Variants in DEPDC5 observed in about 807,000 individuals in gnomAD.
DEPDC5 encodes the protein DEP domain containing 5, GATOR1 subcomplex subunit, also known as GATOR1 complex protein DEPDC5.
Under a neutral mutation model 217.3 loss-of-function variants are expected in DEPDC5, and 73 were observed. The ratio of observed to expected loss-of-function variants is 0.34; its 90% confidence interval spans 0.28 to 0.41. The LOEUF (loss-of-function observed/expected upper bound fraction) is 0.41, where lower values mean the gene tolerates loss of function less well. Ranked by LOEUF, DEPDC5 falls within the 10% of genes least tolerant of loss-of-function variation. The pLI, the probability that DEPDC5 is intolerant of heterozygous loss-of-function variation, is 1.00. For missense variants in DEPDC5, 1,675 were observed against 2,070.1 expected (o/e 0.81, Z 3.70); for synonymous variants, 733 against 756.7 (o/e 0.97, Z 0.51).
At chr22:31,881,291 CAAA>C (rs67347332) in intron 38 of DEPDC5, among the ~76,000 whole-genome samples, 6 of 107,182 alleles carry the variant, frequency 5.6e-5, no homozygotes, top group Non-Finnish European at 4.0e-5. Context: ...CTCCATCTCT[CAAA>C]AAAAAAAAAA....
In DEPDC5 at chr22:31,758,642, C is replaced by G. The variant is rs771997222; in HGVS notation, c.146+9C>G. 28 of 1,612,026 alleles carry G rather than the reference C, an allele frequency of 1.7e-5. No individual in the cohort carries two copies. In the Admixed American group the frequency reaches 4.5e-4, roughly 26 times the overall value. On this transcript the variant is annotated intron_variant, in intron 3 of 42. Transcript: ENST00000651528. The stretch of plus-strand genomic sequence containing the variant: ...CCCAACGATGAATACAGGTGAGTGT[C>G]TCATAGGATCCATGGAACTGGGCAA...
intron 34 of DEPDC5, 87 bp downstream of exon 34, chr22:31,870,831 TGG>T (rs2092820138): frequency 7.2e-7 from 1 of 1,380,694 alleles, no homozygotes; most frequent in East Asian, 2.7e-5. Context: ...TCCAAAGCTC[TGG>T]GCCGAGTTCT....
intron 13 of DEPDC5, 53 bp downstream of exon 13, chr22:31,797,756 G>C: frequency 7.3e-7 from 1 of 1,368,018 alleles, no homozygotes; most frequent in Admixed American, 1.7e-5. Context: ...TGTAGGAGGG[G>C]TCTGGGAGAC....
intron 4 of DEPDC5, among the ~76,000 whole-genome samples, chr22:31,760,903 A>G (rs917493750): frequency 7.2e-5 from 11 of 151,852 alleles, no homozygotes; most frequent in Non-Finnish European, 1.3e-4. Flanking sequence ...TTGGGCTTCT[A>G]TTGTATCCAT....
At chr22:31,772,631 A>G (rs2083460621) in intron 7 of DEPDC5, among the ~76,000 whole-genome samples, 1 of 152,096 alleles carries the variant, frequency 6.6e-6, no homozygotes, top group Non-Finnish European at 1.5e-5. Flanking sequence ...TGTAACAGCC[A>G]TTCTTAGCTA....
chr22:31,873,952 C>A (rs1239212420), intron 35 of DEPDC5: 4 of 284,682 alleles, frequency 1.4e-5, no homozygotes, highest in Non-Finnish European at 2.7e-5. Flanking sequence ...GCCACCACGC[C>A]CAGCTGATTT....
intron 9 of DEPDC5, 157 bp downstream of exon 9, chr22:31,784,142 C>T (rs759916248): frequency 1.2e-5 from 7 of 589,466 alleles, no homozygotes; most frequent in Middle Eastern, 2.8e-4. Context: ...AGTGTTTTCT[C>T]GTTCTAAAGA....
chr22:31,855,440 G>A (rs1383044632), intron 31 of DEPDC5, among the ~76,000 whole-genome samples: 14 of 149,990 alleles, frequency 9.3e-5, no homozygotes, highest in African/African-American at 3.2e-4. Flanking sequence ...GCAGTGGCGC[G>A]ATATCGGCTC....
chr22:31,848,021 C>G (rs1181388032), intron 31 of DEPDC5, among the ~76,000 whole-genome samples: 2 of 152,234 alleles, frequency 1.3e-5, no homozygotes, highest in Non-Finnish European at 2.9e-5. Context: ...AGGCCCCATG[C>G]AAGTCTGAAA....
At chr22:31,870,219 C>G (rs1402623831) in intron 33 of DEPDC5, among the ~76,000 whole-genome samples, 1 of 152,338 alleles carries the variant, frequency 6.6e-6, no homozygotes, top group East Asian at 1.9e-4. Context: ...ATTCTGACTT[C>G]TCCACTCTTT....
At chr22:31,795,678 C>T (rs925144056) in intron 12 of DEPDC5, among the ~76,000 whole-genome samples, 16 of 152,012 alleles carry the variant, frequency 1.1e-4, no homozygotes, top group Non-Finnish European at 2.1e-4. Context: ...AGCCACCACG[C>T]CTGACCCATA....
intron 18 of DEPDC5, 47 bp downstream of exon 18, chr22:31,806,238 T>C: frequency 6.5e-7 from 1 of 1,536,184 alleles, no homozygotes; most frequent in Non-Finnish European, 9.0e-7. Flanking sequence ...TGTGGTCCAG[T>C]CTTATCTTGA....
chr22:31,879,495 T>C, intron 37 of DEPDC5, 30 bp from the exon 38 acceptor site: 2 of 1,590,896 alleles, frequency 1.3e-6, no homozygotes, highest in Non-Finnish European at 1.7e-6. Flanking sequence ...TTGTGTTGAG[T>C]ACTCCTTCTC....
chr22:31,878,828 C>A (rs112778704), intron 37 of DEPDC5, among the ~76,000 whole-genome samples: 1 of 151,780 alleles, frequency 6.6e-6, no homozygotes, highest in Admixed American at 6.6e-5. Flanking sequence ...CACCTGAAGT[C>A]AGGAGTTTGA....
At chr22:31,818,015 A>G (rs1252162710) in intron 21 of DEPDC5, among the ~76,000 whole-genome samples, 1 of 152,158 alleles carries the variant, frequency 6.6e-6, no homozygotes, top group South Asian at 2.1e-4. Flanking sequence ...TGGGTAGATA[A>G]TGATGGCCAA....
chr22:31,860,040 C>T (rs1355456882), intron 32 of DEPDC5, among the ~76,000 whole-genome samples: 1 of 152,196 alleles, frequency 6.6e-6, no homozygotes, highest in African/African-American at 2.4e-5. Flanking sequence ...GACTGAAAAG[C>T]AGAGAAATTA....
At chr22:31,879,214 C>A (rs149453105) in intron 37 of DEPDC5, among the ~76,000 whole-genome samples, 1 of 151,394 alleles carries the variant, frequency 6.6e-6, no homozygotes, top group East Asian at 1.9e-4. Flanking sequence ...TTTAGTACAT[C>A]CACAGTGTTG....
At chr22:31,821,723 ATGT>A (rs1220591131) in intron 23 of DEPDC5, 86 bp downstream of exon 23, 1 of 1,547,040 alleles carries the variant, frequency 6.5e-7, no homozygotes, top group Admixed American at 1.8e-5. Context: ...TATTGACAAA[ATGT>A]TGTTTAGAAG....
chr22:31,811,906 G>A (rs992369697), intron 20 of DEPDC5, among the ~76,000 whole-genome samples: 3 of 152,100 alleles, frequency 2.0e-5, no homozygotes, highest in African/African-American at 4.8e-5. Flanking sequence ...TGTGGGTCTT[G>A]TGTAAGAAAG....
Sources: gnomAD v4.1 joint callset for allele counts (sites outside exome capture counted in the v4.1 genomes callset) on GRCh38, gnomAD v4.1.1 for gene constraint, MANE v1.5 for transcripts, NCBI Gene and HGNC (gene_info 2026-07-23, HGNC 2026-07-21) for gene names.